KIF11: variants seen among roughly 807,000 people sequenced by gnomAD.
The protein encoded by KIF11 is kinesin family member 11.
KIF11 carries 9 observed loss-of-function variants against 121.0 expected under a neutral mutation model. The observed-to-expected ratio is 0.07, with a 90% CI of 0.04 to 0.13. The LOEUF is 0.13. Among genes scored for constraint, KIF11 ranks in the 10% least tolerant of loss-of-function variants. The pLI is 1.00. For missense variants in KIF11, 846 were observed against 1,217.5 expected (o/e 0.69, Z 4.54); for synonymous variants, 408 against 421.0 (o/e 0.97, Z 0.38).
At position 92,648,108 on chromosome 10, in the gene KIF11, C is replaced by CAAAAAAAAAAAAAAAA. The variant is rs34357393; in HGVS notation, c.2548-90_2548-89insAAAAAAAAAAAAAAAA. 4.9e-3 allele frequency: 3,339 copies of CAAAAAAAAAAAAAAAA among 681,748 alleles called. 25 individuals carry two copies. The highest frequency in any genetic ancestry group is 0.011 in the African/African-American group (450 of 39,720). The allele number at this position is 681,748 out of a possible 1,614,324, so 42.2% of individuals were successfully genotyped here. On this transcript the variant is annotated intron_variant, in intron 18 of 21. Transcript: ENST00000260731. ...TGGGCAACAGAGTGAGACTTGTCTC[C>CAAAAAAAAAAAAAAAA]AAAAAAAAAAAAAATTATGGAAAAG...
In KIF11 at chr10:92,609,082, T is replaced by C; in HGVS notation, c.450T>C (p.Asn150=). The C allele has an allele frequency of 1.2e-6, 2 of 1,604,522 alleles. No homozygotes were observed. Among genetic ancestry groups the C allele is most frequent in the Non-Finnish European group, 1.7e-6 (2 of 1,175,398 alleles). ...LHQIFEKLTD[N]GTEFSVKVSL... is the part of the protein sequence containing the mutation. ...AAATTTTTGAGAAACTTACTGATAA[T>C]GGTACTGAATTTTCAGTCAAAGTGT... The change falls in exon 5 of 22, where the codon AAT becomes AAC. Residue 150 remains asparagine, a synonymous_variant. Transcript: ENST00000260731.
In KIF11 at chr10:92,595,494, T is replaced by TA. The variant is rs1844284076; in HGVS notation, c.77+2044dup. On this transcript the variant is annotated intron_variant, in intron 1 of 21. Coordinates refer to ENST00000260731, the MANE Select transcript of KIF11 (RefSeq NM_004523.4). ...AGGTTAAAGTTTACAGATCCCTACATAATGCGCTACTGGTTCTCTTTCTTA... is the reference window on the plus strand; with the variant it reads ...AGGTTAAAGTTTACAGATCCCTACATAAATGCGCTACTGGTTCTCTTTCTTA... Among the ~76,000 whole-genome samples, 11 of 152,302 alleles carry TA rather than the reference T, an allele frequency of 7.2e-5. No homozygotes were observed. In the South Asian group the frequency reaches 2.1e-3, roughly 29 times the overall value.
chr10:92,641,600 C>T (rs1436836011), intron 17 of KIF11, among the ~76,000 whole-genome samples: 1 of 152,098 alleles, frequency 6.6e-6, no homozygotes, highest in East Asian at 1.9e-4. Context: ...TCTTTAGAAA[C>T]TTGATTATAT....
At chr10:92,620,112 G>A (rs1266301282) in intron 9 of KIF11, among the ~76,000 whole-genome samples, 12 of 134,748 alleles carry the variant, frequency 8.9e-5, no homozygotes, top group East Asian at 2.1e-4. Context: ...ACGGAGTCTC[G>A]CTCTGTTGCC....
intron 17 of KIF11, among the ~76,000 whole-genome samples, chr10:92,641,086 T>C (rs1191025283): frequency 3.3e-5 from 5 of 152,204 alleles, no homozygotes; most frequent in African/African-American, 9.7e-5. Context: ...CCTCATTGCT[T>C]GCCAGTTCCG....
At chr10:92,616,420 G>A (rs901992620) in intron 8 of KIF11, among the ~76,000 whole-genome samples, 111 of 151,830 alleles carry the variant, frequency 7.3e-4, no homozygotes, top group African/African-American at 2.5e-3. Flanking sequence ...GGCTGGTCTC[G>A]AATTCCTGGG....
At chr10:92,627,053 C>T (rs749864363) in intron 10 of KIF11, among the ~76,000 whole-genome samples, 18 of 152,198 alleles carry the variant, frequency 1.2e-4, no homozygotes, top group African/African-American at 2.7e-4. Flanking sequence ...TGAGCCACCG[C>T]GCCTGGCTGT....
intron 12 of KIF11, among the ~76,000 whole-genome samples, chr10:92,630,665 C>T (rs907163139): frequency 1.3e-5 from 2 of 151,566 alleles, no homozygotes; most frequent in East Asian, 2.0e-4. Context: ...GTCAGGTGTT[C>T]GAGACCAGCC....
intron 1 of KIF11, among the ~76,000 whole-genome samples, chr10:92,599,805 A>G (rs1844346402): frequency 6.7e-6 from 1 of 148,340 alleles, no homozygotes; most frequent in Non-Finnish European, 1.5e-5. Flanking sequence ...GGCACACGCT[A>G]CGACGCCCAG....
intron 1 of KIF11, among the ~76,000 whole-genome samples, chr10:92,601,671 A>G (rs1382894875): frequency 4.0e-5 from 6 of 151,872 alleles, no homozygotes; most frequent in African/African-American, 1.5e-4. Context: ...AGCTGGGACT[A>G]TAGACACACT....
intron 9 of KIF11, among the ~76,000 whole-genome samples, chr10:92,618,517 G>A (rs1295174229): frequency 1.3e-5 from 2 of 151,166 alleles, no homozygotes; most frequent in South Asian, 4.2e-4. Flanking sequence ...GTAGTGGCAC[G>A]TGCCTGTAAT....
chr10:92,593,144 C>T lies in KIF11; in HGVS notation c.-232C>T. The T allele has an allele frequency of 1.0e-5, 5 of 490,970 alleles. No homozygotes were observed. The South Asian group carries it at 1.1e-4, about 11-fold the overall frequency. The allele number at this position is 490,970 out of a possible 1,614,324, so 30.4% of individuals were successfully genotyped here. A position where few individuals can be genotyped will look rare whatever the true frequency, so the allele number is the denominator to read the frequency against. On this transcript the variant is annotated 5_prime_UTR_variant, in exon 1 of 22. Coordinates refer to ENST00000260731, the MANE Select transcript of KIF11 (RefSeq NM_004523.4). ...AGTCGTTGCTTAGTTTCTGGGGATT[C>T]GGGCGGAGACGAGATTAGTGATTTG...
chr10:92,650,626 T>A, intron 21 of KIF11, 109 bp downstream of exon 21: 1 of 678,796 alleles, frequency 1.5e-6, no homozygotes, highest in Middle Eastern at 3.8e-4. Flanking sequence ...TTTCAATTAT[T>A]CCTTAGGATG....
intron 8 of KIF11, among the ~76,000 whole-genome samples, chr10:92,614,065 C>CACACACACACACACACACACAT (rs1491391031): frequency 1.2e-4 from 14 of 116,570 alleles, no homozygotes; most frequent in African/African-American, 4.6e-4. Flanking sequence ...CACACACACA[C>CACACACACACACACACACACAT]ATATAGTAGG....
chr10:92,632,414 C>A (rs1389985475), intron 12 of KIF11, 72 bp from the exon 13 acceptor site: 3 of 994,264 alleles, frequency 3.0e-6, no homozygotes, highest in African/African-American at 1.6e-5. Flanking sequence ...AAGATAAATC[C>A]TTGTGTAGAT....
At chr10:92,614,118 A>T (rs1456362536) in intron 8 of KIF11, among the ~76,000 whole-genome samples, 1 of 138,126 alleles carries the variant, frequency 7.2e-6, no homozygotes, top group Non-Finnish European at 1.5e-5. Flanking sequence ...TTTTTTTGAG[A>T]CAAATCCCAC....
intron 10 of KIF11, among the ~76,000 whole-genome samples, chr10:92,626,514 T>C (rs951587464): frequency 2.0e-5 from 3 of 152,200 alleles, no homozygotes; most frequent in Admixed American, 2.0e-4. Flanking sequence ...TCTGAGATAG[T>C]TTTGTCTGAA....
intron 11 of KIF11, 57 bp downstream of exon 11, chr10:92,628,952 T>G: frequency 3.1e-6 from 3 of 961,664 alleles, no homozygotes; most frequent in Non-Finnish European, 4.7e-6. Context: ...GAAAGAAAAT[T>G]TTAGAATGAA....
At chr10:92,650,073 C>T (rs1308764846) in intron 20 of KIF11, 87 bp downstream of exon 20, 2 of 1,001,176 alleles carry the variant, frequency 2.0e-6, no homozygotes, top group Non-Finnish European at 3.0e-6. Context: ...TTACTGTTTA[C>T]CCCTCAATCT....
Sources: gnomAD v4.1 joint callset for allele counts (sites outside exome capture counted in the v4.1 genomes callset) on GRCh38, gnomAD v4.1.1 for gene constraint, MANE v1.5 for transcripts, NCBI Gene and HGNC (gene_info 2026-07-23, HGNC 2026-07-21) for gene names.